The following ZFHX3 variants were observed in gnomAD, a reference collection of about 807,000 sequenced individuals.
The protein encoded by ZFHX3 is zinc finger homeobox protein 3.
Under a neutral mutation model 279.1 loss-of-function variants are expected in ZFHX3, and 42 were observed. The ratio of observed to expected loss-of-function variants is 0.15; its 90% CI spans 0.12 to 0.19. The LOEUF (loss-of-function observed/expected upper bound fraction) is 0.19, where lower values mean the gene tolerates loss of function less well. ZFHX3 is among the 10% of genes least tolerant of loss of function. ZFHX3 has a pLI of 1.00. For synonymous variants in ZFHX3, 2,293 were observed against 1,957.8 expected, an observed-to-expected ratio of 1.17 and a Z score of -4.52; for missense variants, 4,981 against 4,754.0, an observed-to-expected ratio of 1.05 and a Z score of -1.40.
intron 4 of ZFHX3, among the ~76,000 whole-genome samples, chr16:72,883,122 A>C (rs2038536018): frequency 6.6e-6 from 1 of 151,672 alleles, no homozygotes; most frequent in African/African-American, 2.4e-5. Context: ...TGTAATCAGA[A>C]GCCATCACAA....
chr16:73,166,000 A>G (rs1256970110), intron 5 of ZFHX3, among the ~76,000 whole-genome samples: 3 of 152,196 alleles, frequency 2.0e-5, no homozygotes. Flanking sequence ...AATATGAACT[A>G]TAAAACCAGG....
intron 4 of ZFHX3, among the ~76,000 whole-genome samples, chr16:72,870,930 C>G (rs942337118): frequency 3.3e-5 from 5 of 152,098 alleles, no homozygotes; most frequent in African/African-American, 1.2e-4. Context: ...TACACACTAA[C>G]TTATTTTGAT....
chr16:73,143,126 C>G (rs1597179575), intron 6 of ZFHX3, among the ~76,000 whole-genome samples: 1 of 152,096 alleles, frequency 6.6e-6, no homozygotes, highest in East Asian at 1.9e-4. Flanking sequence ...CTTGTTTCCC[C>G]CCTTTCTTCT....
intron 1 of ZFHX3, among the ~76,000 whole-genome samples, chr16:73,003,875 A>C (rs1051550981): frequency 6.6e-6 from 1 of 152,030 alleles, no homozygotes; most frequent in South Asian, 2.1e-4. Flanking sequence ...TTCTTGACAC[A>C]TACTGCCAAA....
chr16:73,697,214 C>A (rs558416125), intron 1 of ZFHX3, among the ~76,000 whole-genome samples: 5 of 150,402 alleles, frequency 3.3e-5, no homozygotes, highest in South Asian at 2.1e-4. Flanking sequence ...TGAATTCTAA[C>A]CTCTTTTTTT....
intron 8 of ZFHX3, among the ~76,000 whole-genome samples, chr16:73,087,077 C>A (rs1393477113): frequency 6.6e-6 from 1 of 151,988 alleles, no homozygotes; most frequent in Non-Finnish European, 1.5e-5. Flanking sequence ...ACATGTGCCC[C>A]CCGAAATAGG....
chr16:73,163,577 T>C (rs1967291553), intron 5 of ZFHX3, among the ~76,000 whole-genome samples: 1 of 152,238 alleles, frequency 6.6e-6, no homozygotes, highest in Admixed American at 6.5e-5. Flanking sequence ...TCGACCTTTA[T>C]AGAAAAAGTC....
intron 7 of ZFHX3, among the ~76,000 whole-genome samples, chr16:73,106,385 C>A (rs1966305029): frequency 1.3e-5 from 2 of 152,042 alleles, no homozygotes; most frequent in African/African-American, 4.8e-5. Flanking sequence ...GGTTCCAAGA[C>A]TTTTGTTCTA....
At chr16:73,332,571 C>A (rs895438161) in intron 3 of ZFHX3, among the ~76,000 whole-genome samples, 65 of 152,172 alleles carry the variant, frequency 4.3e-4, no homozygotes, top group African/African-American at 1.5e-3. Context: ...AAATAAAGTC[C>A]TCTCAAGATT....
At chr16:73,850,107 T>C (rs892585164) in intron 1 of ZFHX3, among the ~76,000 whole-genome samples, 2 of 152,214 alleles carry the variant, frequency 1.3e-5, no homozygotes, top group African/African-American at 4.8e-5. Flanking sequence ...TAAACCATGT[T>C]GGCTCCTAGA....
chr16:73,006,382 G>A (rs1963701613), intron 1 of ZFHX3, among the ~76,000 whole-genome samples: 1 of 152,092 alleles, frequency 6.6e-6, no homozygotes, highest in South Asian at 2.1e-4. Context: ...CAGAATTTTG[G>A]GAGGCCAACG....
chr16:73,403,353 G>T, intron 3 of ZFHX3, among the ~76,000 whole-genome samples: 1 of 152,160 alleles, frequency 6.6e-6, no homozygotes. Context: ...TAAGTGACTG[G>T]CCCTCCACCA....
chr16:73,515,618 AAGG>A (rs1243666184), intron 2 of ZFHX3, among the ~76,000 whole-genome samples: 1 of 152,036 alleles, frequency 6.6e-6, no homozygotes, highest in Non-Finnish European at 1.5e-5. Flanking sequence ...GAAAGAGTTG[AAGG>A]AGAACAAATT....
intron 5 of ZFHX3, among the ~76,000 whole-genome samples, chr16:73,165,293 A>G (rs923491112): frequency 2.0e-4 from 30 of 152,190 alleles, no homozygotes; most frequent in Admixed American, 1.7e-3. Context: ...TTTGGGGACA[A>G]AGGTGGAAGA....
At chr16:73,595,706 A>G (rs536984652) in intron 2 of ZFHX3, among the ~76,000 whole-genome samples, 1 of 152,218 alleles carries the variant, frequency 6.6e-6, no homozygotes, top group South Asian at 2.1e-4. Context: ...CTCTTCTTAA[A>G]TATCTCCCAA....
intron 3 of ZFHX3, among the ~76,000 whole-genome samples, chr16:72,949,426 C>T (rs2144387043): frequency 6.6e-6 from 1 of 152,308 alleles, no homozygotes; most frequent in East Asian, 1.9e-4. Context: ...CCTGATTGTT[C>T]ATACTAAAGC....
chr16:72,980,412 T>C (rs190395508), intron 1 of ZFHX3, among the ~76,000 whole-genome samples: 11 of 152,180 alleles, frequency 7.2e-5, no homozygotes, highest in East Asian at 3.9e-4. Context: ...AAAAGCCATT[T>C]TGGGGACAAT....
At chr16:73,396,826 A>G (rs1210577316) in intron 3 of ZFHX3, among the ~76,000 whole-genome samples, 2 of 152,200 alleles carry the variant, frequency 1.3e-5, no homozygotes, top group Non-Finnish European at 2.9e-5. Flanking sequence ...CATATCACTA[A>G]GCACCAGGGT....
intron 4 of ZFHX3, among the ~76,000 whole-genome samples, chr16:73,267,711 G>A (rs2014017932): frequency 1.3e-5 from 2 of 152,148 alleles, no homozygotes; most frequent in Non-Finnish European, 2.9e-5. Flanking sequence ...AGAGGTGACT[G>A]GGCTAGACCT....
Sources: gnomAD v4.1 joint callset for allele counts (sites outside exome capture counted in the v4.1 genomes callset) on GRCh38, gnomAD v4.1.1 for gene constraint, MANE v1.5 for transcripts, NCBI Gene and HGNC (gene_info 2026-07-23, HGNC 2026-07-21) for gene names.